Variants in NPIPA1 observed in about 807,000 individuals in gnomAD.
NPIPA1 encodes the protein nuclear pore complex interacting protein family member A1.
For missense variants in NPIPA1, 22 were observed against 232.2 expected (o/e 0.09, Z 5.88); for synonymous variants, 7 against 88.0 (o/e 0.08, Z 5.15).
rs756718292 is a variant in NPIPA1 at position 14,945,267 on chromosome 16, T to TGA, written c.193-304_193-303dup. Among the ~76,000 whole-genome samples the TGA allele has an allele frequency of 7.9e-4, 104 of 132,138 alleles. 3 individuals carry two copies. The highest frequency in any genetic ancestry group is 2.6e-3 in the African/African-American group (90 of 35,144). The allele number at this position is 132,138 out of a possible 152,430, so 86.7% of individuals were successfully genotyped here. A position where few individuals can be genotyped will look rare whatever the true frequency, so the allele number is the denominator to read the frequency against. On this transcript the variant is annotated intron_variant, in intron 2 of 7. Coordinates refer to ENST00000328085, the MANE Select transcript of NPIPA1 (RefSeq NM_006985.4). ...GTGTGTGTGTGTGTGTGTGTGTGTG[T>TGA]GAGACAGAGTCTCATTCTGTCACTC...
intron 1 of NPIPA1, among the ~76,000 whole-genome samples, chr16:14,940,190 A>G (rs1176139382): frequency 1.0e-4 from 11 of 109,574 alleles, no homozygotes; most frequent in East Asian, 4.3e-4. Flanking sequence ...CACCACGCCC[A>G]GCCCACCTTG....
chr16:14,945,227 G>GTTGTGTGTGTGTGT lies in NPIPA1; in HGVS notation c.193-347_193-346insTTGTGTGTGTGTGT, dbSNP rs748459839. Among the ~76,000 whole-genome samples the GTTGTGTGTGTGTGT allele has an allele frequency of 6.2e-4, 86 of 137,772 alleles. 2 individuals are homozygous for GTTGTGTGTGTGTGT. The highest frequency in any genetic ancestry group is 4.7e-3 in the East Asian group (19 of 4,014). The allele number at this position is 137,772 out of a possible 152,430, so 90.4% of individuals were successfully genotyped here. A position where few individuals can be genotyped will look rare whatever the true frequency, so the allele number is the denominator to read the frequency against. On this transcript the variant is annotated intron_variant, in intron 2 of 7. Transcript: ENST00000328085. ...TGCCAGCCTCATGTCATTCTTGTGT[G>GTTGTGTGTGTGTGT]GTGTGTGTGTGTGTGTGTGTGTGTG...
intron 4 of NPIPA1, among the ~76,000 whole-genome samples, chr16:14,946,780 C>T (rs368393546): frequency 2.8e-4 from 41 of 148,072 alleles, no homozygotes; most frequent in South Asian, 1.1e-3. Flanking sequence ...CTGCAACCTC[C>T]GCCTCCCAGG....
intron 4 of NPIPA1, among the ~76,000 whole-genome samples, chr16:14,947,086 CA>C (rs1253480562): frequency 6.6e-6 from 1 of 152,326 alleles, no homozygotes; most frequent in African/African-American, 2.4e-5. Flanking sequence ...CTCAGCCTCC[CA>C]GTGTGAGCCA....
At chr16:14,946,991 C>G (rs1342011323) in intron 4 of NPIPA1, among the ~76,000 whole-genome samples, 13 of 151,994 alleles carry the variant, frequency 8.6e-5, no homozygotes, top group African/African-American at 3.1e-4. Flanking sequence ...CCGTGCCCAG[C>G]CCAATTTTTG....
chr16:14,947,149 A>G (rs2151083737), intron 4 of NPIPA1, among the ~76,000 whole-genome samples: 1 of 152,344 alleles, frequency 6.6e-6, no homozygotes, highest in East Asian at 1.9e-4. Context: ...CTCCAGATTC[A>G]TTTTCACAGT....
rs374432703 is a variant in NPIPA1 at position 14,946,279 on chromosome 16, G to A, written c.437+298G>A. ...GAGCTTTGCTCTTGTTGCCCAGGCC[G>A]TAGTGCAATGGCACAATCTCAGCTC... is the stretch of plus-strand genomic sequence containing the variant. On this transcript the variant is annotated intron_variant, in intron 4 of 7. Transcript: ENST00000328085. Among the ~76,000 whole-genome samples, 394 of 91,334 alleles carry A rather than the reference G, an allele frequency of 4.3e-3. 5 individuals carry two copies. The highest frequency in any genetic ancestry group is 0.014 in the African/African-American group (315 of 21,988). The allele number at this position is 91,334 out of a possible 152,430, so 59.9% of individuals were successfully genotyped here. A position where few individuals can be genotyped will look rare whatever the true frequency, so the allele number is the denominator to read the frequency against.
intron 1 of NPIPA1, among the ~76,000 whole-genome samples, chr16:14,939,476 TATC>T (rs1256664292): frequency 7.3e-6 from 1 of 137,812 alleles, no homozygotes; most frequent in Non-Finnish European, 1.5e-5. Context: ...GTCTCTTTCT[TATC>T]ATAGGTTAGC....
intron 1 of NPIPA1, among the ~76,000 whole-genome samples, chr16:14,938,013 TCTC>T (rs1251386555): frequency 3.2e-4 from 45 of 140,044 alleles, no homozygotes; most frequent in Admixed American, 1.0e-3. Context: ...CCTTTCTTCT[TCTC>T]CTCCTCCTCC....
intron 2 of NPIPA1, among the ~76,000 whole-genome samples, chr16:14,944,295 T>C (rs998040002): frequency 6.6e-6 from 1 of 152,114 alleles, no homozygotes; most frequent in African/African-American, 2.4e-5. Context: ...TATGGAAATC[T>C]TGGTGGGAAT....
chr16:14,951,750 T>A lies in NPIPA1; in HGVS notation c.778T>A (p.Ser260Thr). 1 of 1,527,366 alleles carries A rather than the reference T, an allele frequency of 6.5e-7. No individual in the cohort carries two copies. The highest frequency in any genetic ancestry group is 8.8e-7 in the Non-Finnish European group (1 of 1,135,032). 94.6% of individuals were successfully genotyped at this position (1,527,366 alleles called of 1,614,324 possible). A position where few individuals can be genotyped will look rare whatever the true frequency, so the allele number is the denominator to read the frequency against. Residue 260 changes from serine (S) to threonine (T), a missense_variant, in exon 8 of 8, where the codon TCC (serine) becomes ACC (threonine). Transcript: ENST00000328085. ...TCAACAACATTCTATAATTGATAAC[T>A]CCCTGAGCCTCAAGACACCTTCCGA... ...PTQQHSIIDNSLSLKTPSECL... is the reference protein window; with the variant it reads ...PTQQHSIIDNTLSLKTPSECL...
In NPIPA1 at chr16:14,946,627, C is replaced by G. The variant is rs1286488958; in HGVS notation, c.437+646C>G. Among the ~76,000 whole-genome samples the G allele has an allele frequency of 6.2e-5, 9 of 145,980 alleles. No homozygotes were observed. In the East Asian group the frequency reaches 6.7e-4, roughly 11 times the overall value. On this transcript the variant is annotated intron_variant, in intron 4 of 7. Transcript: ENST00000328085. ...GCAACCTCTGCCTCCCAGTTTGAAG[C>G]AATTCTGCCTTGGCTTCCCGAGTAG...
intron 1 of NPIPA1, among the ~76,000 whole-genome samples, chr16:14,941,246 C>G (rs1303462612): frequency 5.4e-5 from 8 of 147,144 alleles, no homozygotes; most frequent in East Asian, 2.3e-4. Flanking sequence ...GCCAGACTGG[C>G]CAACATGGTG....
intron 2 of NPIPA1, among the ~76,000 whole-genome samples, chr16:14,943,893 A>C (rs1286557505): frequency 6.6e-6 from 1 of 151,626 alleles, no homozygotes; most frequent in African/African-American, 2.4e-5. Context: ...TCATGCCTGT[A>C]ATCCCAGCAC....
At chr16:14,947,110 T>C (rs900538327) in intron 4 of NPIPA1, among the ~76,000 whole-genome samples, 1 of 152,260 alleles carries the variant, frequency 6.6e-6, no homozygotes. Flanking sequence ...GCACCCAGCC[T>C]GGATTGTTGA....
At chr16:14,943,812 G>A (rs1240475781) in intron 2 of NPIPA1, among the ~76,000 whole-genome samples, 1 of 151,868 alleles carries the variant, frequency 6.6e-6, no homozygotes, top group Non-Finnish European at 1.5e-5. Context: ...TTTATCCTAT[G>A]TGCAGAAATC....
intron 2 of NPIPA1, among the ~76,000 whole-genome samples, chr16:14,943,001 G>T (rs1479123317): frequency 6.0e-4 from 91 of 152,088 alleles, no homozygotes; most frequent in African/African-American, 2.2e-3. Flanking sequence ...TTACCGCCTA[G>T]ATAATTACAC....
At chr16:14,947,947 A>G (rs1348120793) in intron 4 of NPIPA1, among the ~76,000 whole-genome samples, 51 of 152,098 alleles carry the variant, frequency 3.4e-4, no homozygotes, top group African/African-American at 1.2e-3. Flanking sequence ...CACCACACAC[A>G]CCTTGTTTGA....
chr16:14,944,766 C>G (rs1233657749), intron 2 of NPIPA1, among the ~76,000 whole-genome samples: 2 of 150,090 alleles, frequency 1.3e-5, no homozygotes. Context: ...CCACCATGCT[C>G]AGCTAATTTT....
Sources: gnomAD v4.1 joint callset for allele counts (sites outside exome capture counted in the v4.1 genomes callset) on GRCh38, gnomAD v4.1.1 for gene constraint, MANE v1.5 for transcripts, NCBI Gene and HGNC (gene_info 2026-07-23, HGNC 2026-07-21) for gene names.